The following WWOX variants were observed in gnomAD, a reference collection of about 807,000 sequenced individuals.
WWOX encodes the protein WW domain-containing oxidoreductase.
Under a neutral mutation model 46.2 loss-of-function variants are expected in WWOX, and 69 were observed. The observed-to-expected ratio is 1.49, with a 90% confidence interval of 1.23 to 1.82. The LOEUF (loss-of-function observed/expected upper bound fraction) is 1.82, where lower values mean the gene tolerates loss of function less well. WWOX is among the 40% of genes most tolerant of loss of function. WWOX has a pLI of 0.00. For missense variants in WWOX, 919 were observed against 542.6 expected (o/e 1.69, Z -6.89); for synonymous variants, 359 against 202.6 (o/e 1.77, Z -6.56).
intron 1 of WWOX, among the ~76,000 whole-genome samples, chr16:78,103,653 C>G (rs1031725665): frequency 6.6e-6 from 1 of 152,184 alleles, no homozygotes; most frequent in Non-Finnish European, 1.5e-5. Context: ...GCTCCAACCC[C>G]TTTTCATTCC....
chr16:78,143,533 A>T (rs2034060596), intron 4 of WWOX, among the ~76,000 whole-genome samples: 1 of 152,194 alleles, frequency 6.6e-6, no homozygotes, highest in Admixed American at 6.5e-5. Flanking sequence ...TTCACATCAT[A>T]ACAGCAGAAT....
intron 5 of WWOX, among the ~76,000 whole-genome samples, chr16:78,337,425 A>G (rs1414929479): frequency 1.3e-5 from 2 of 152,182 alleles, no homozygotes; most frequent in African/African-American, 2.4e-5. Flanking sequence ...GTATGAGGGT[A>G]TTAACATCTT....
At chr16:78,386,116 T>A (rs9922221) in intron 5 of WWOX, among the ~76,000 whole-genome samples, 1 of 152,232 alleles carries the variant, frequency 6.6e-6, no homozygotes, top group South Asian at 2.1e-4. Context: ...TTGTACTCAA[T>A]TTCCTATCTC....
intron 8 of WWOX, among the ~76,000 whole-genome samples, chr16:78,616,664 A>T (rs2151637668): frequency 6.6e-6 from 1 of 152,004 alleles, no homozygotes; most frequent in Non-Finnish European, 1.5e-5. Flanking sequence ...AGCCACTTGG[A>T]AGGGTGAGGC....
At chr16:78,253,416 A>G (rs922107749) in intron 5 of WWOX, among the ~76,000 whole-genome samples, 3 of 152,206 alleles carry the variant, frequency 2.0e-5, no homozygotes, top group Admixed American at 2.0e-4. Flanking sequence ...AATAGACATT[A>G]TTATGATGTT....
chr16:78,499,609 A>T (rs2151473285), intron 8 of WWOX, among the ~76,000 whole-genome samples: 1 of 152,220 alleles, frequency 6.6e-6, no homozygotes, highest in East Asian at 1.9e-4. Context: ...GCCGGCTCTT[A>T]GTGTAGAGCA....
At chr16:78,241,485 G>A (rs1005736853) in intron 5 of WWOX, among the ~76,000 whole-genome samples, 3 of 152,106 alleles carry the variant, frequency 2.0e-5, no homozygotes, top group African/African-American at 4.8e-5. Context: ...CTGGAGTGCA[G>A]TGGCGCCATC....
chr16:78,663,743 G>C (rs2047268333), intron 8 of WWOX, among the ~76,000 whole-genome samples: 1 of 152,170 alleles, frequency 6.6e-6, no homozygotes, highest in Non-Finnish European at 1.5e-5. Context: ...GATCAGTGAT[G>C]GCTTTTGAGG....
intron 5 of WWOX, among the ~76,000 whole-genome samples, chr16:78,322,210 C>G (rs1045539253): frequency 9.2e-5 from 14 of 152,080 alleles, no homozygotes; most frequent in African/African-American, 3.1e-4. Context: ...GAGCCAAAAT[C>G]CATCTGGATT....
At chr16:78,883,466 G>A (rs529234193) in intron 8 of WWOX, among the ~76,000 whole-genome samples, 17 of 152,272 alleles carry the variant, frequency 1.1e-4, no homozygotes, top group South Asian at 2.1e-4. Context: ...GCTTATGCCC[G>A]AAATCCCAGC....
chr16:79,058,675 C>T (rs1224487200), intron 8 of WWOX, among the ~76,000 whole-genome samples: 2 of 152,170 alleles, frequency 1.3e-5, no homozygotes, highest in East Asian at 3.8e-4. Flanking sequence ...ATCAACTAGT[C>T]CTTATTTTGG....
chr16:79,139,932 A>C (rs897433858), intron 8 of WWOX, among the ~76,000 whole-genome samples: 4 of 152,218 alleles, frequency 2.6e-5, no homozygotes, highest in Admixed American at 1.3e-4. Context: ...AATTCTCCAA[A>C]TACGGACTTG....
intron 8 of WWOX, among the ~76,000 whole-genome samples, chr16:78,634,872 G>GCA: frequency 6.6e-6 from 1 of 151,438 alleles, no homozygotes; most frequent in Admixed American, 6.6e-5. Flanking sequence ...GTGTGTGTGT[G>GCA]TGCGCGTGCA....
intron 8 of WWOX, among the ~76,000 whole-genome samples, chr16:79,088,232 C>G (rs1355964893): frequency 6.6e-6 from 1 of 152,168 alleles, no homozygotes; most frequent in Non-Finnish European, 1.5e-5. Flanking sequence ...GCAGCCTAGA[C>G]TTGGATCCCT....
intron 8 of WWOX, among the ~76,000 whole-genome samples, chr16:78,516,718 T>G (rs2043243375): frequency 6.6e-6 from 1 of 152,186 alleles, no homozygotes; most frequent in African/African-American, 2.4e-5. Flanking sequence ...AAATGATCCT[T>G]ACTTAGCATA....
intron 8 of WWOX, among the ~76,000 whole-genome samples, chr16:78,640,196 T>A (rs889831894): frequency 6.8e-6 from 1 of 147,700 alleles, no homozygotes; most frequent in Non-Finnish European, 1.5e-5. Context: ...GTCATGGGTG[T>A]GTGTGTGTGT....
intron 8 of WWOX, among the ~76,000 whole-genome samples, chr16:79,074,606 G>C (rs924690105): frequency 6.6e-6 from 1 of 151,498 alleles, no homozygotes; most frequent in Non-Finnish European, 1.5e-5. Context: ...CCCTTTATAA[G>C]CTAGGAATAC....
At chr16:78,379,055 C>T (rs72796059) in intron 5 of WWOX, among the ~76,000 whole-genome samples, 8,044 of 152,182 alleles carry the variant, frequency 0.053, 285 homozygotes, top group East Asian at 0.12. Flanking sequence ...GCCACTGTCA[C>T]GTCACTCAGC....
intron 8 of WWOX, among the ~76,000 whole-genome samples, chr16:78,659,528 A>G (rs184014544): frequency 2.0e-5 from 3 of 152,126 alleles, no homozygotes; most frequent in Non-Finnish European, 2.9e-5. Context: ...CTTCTGATCA[A>G]AAATGCCAGA....
Sources: gnomAD v4.1 joint callset for allele counts (sites outside exome capture counted in the v4.1 genomes callset) on GRCh38, gnomAD v4.1.1 for gene constraint, MANE v1.5 for transcripts, NCBI Gene and HGNC (gene_info 2026-07-23, HGNC 2026-07-21) for gene names.